HS3ST3A1: variants seen among roughly 807,000 people sequenced by gnomAD.
HS3ST3A1 encodes heparan sulfate glucosamine 3-O-sulfotransferase 3A1.
A neutral mutation model predicts 25.7 loss-of-function variants in HS3ST3A1; 19 were observed. That is an observed-to-expected ratio of 0.74 (90% confidence interval 0.52 to 1.08). The LOEUF is 1.08. Among genes scored for constraint, HS3ST3A1 ranks in the 50% least tolerant of loss-of-function variants. The pLI is 0.00. For missense variants in HS3ST3A1, 459 were observed against 594.3 expected (o/e 0.77, Z 2.37); for synonymous variants, 226 against 278.6 (o/e 0.81, Z 1.88).
intron 1 of HS3ST3A1, among the ~76,000 whole-genome samples, chr17:13,539,088 G>C (rs1172775403): frequency 1.3e-5 from 2 of 152,164 alleles, no homozygotes; most frequent in Non-Finnish European, 2.9e-5. Flanking sequence ...CTCAGCTGTG[G>C]TGGCTGAAGA....
chr17:13,549,823 T>G (rs1414972985), intron 1 of HS3ST3A1, among the ~76,000 whole-genome samples: 2 of 152,204 alleles, frequency 1.3e-5, no homozygotes, highest in African/African-American at 4.8e-5. Context: ...TTATTTTAGT[T>G]CGCCATAAAG....
At chr17:13,544,146 A>C (rs765118393) in intron 1 of HS3ST3A1, among the ~76,000 whole-genome samples, 27 of 152,242 alleles carry the variant, frequency 1.8e-4, no homozygotes, top group Admixed American at 7.8e-4. Flanking sequence ...TTCCATTCAT[A>C]TGATGAAAAT....
chr17:13,567,768 T>C (rs1216994520), intron 1 of HS3ST3A1, among the ~76,000 whole-genome samples: 1 of 152,222 alleles, frequency 6.6e-6, no homozygotes, highest in Non-Finnish European at 1.5e-5. Context: ...AATCTCACAA[T>C]AAACCTTGAA....
At chr17:13,501,834 G>C (rs1905486351) in intron 1 of HS3ST3A1, among the ~76,000 whole-genome samples, 1 of 152,192 alleles carries the variant, frequency 6.6e-6, no homozygotes, top group Non-Finnish European at 1.5e-5. Flanking sequence ...CAGAGAGTTA[G>C]AACTCTTTGC....
chr17:13,500,420 T>G (rs1905432687), intron 1 of HS3ST3A1, among the ~76,000 whole-genome samples: 1 of 152,190 alleles, frequency 6.6e-6, no homozygotes. Flanking sequence ...GGATGGGTAG[T>G]GAAAGATCTA....
intron 1 of HS3ST3A1, among the ~76,000 whole-genome samples, chr17:13,501,403 A>G (rs1347243009): frequency 6.6e-6 from 1 of 152,206 alleles, no homozygotes; most frequent in African/African-American, 2.4e-5. Context: ...AACTTAAGGG[A>G]GGACAAACAT....
chr17:13,600,635 C>T lies in HS3ST3A1; in HGVS notation c.495G>A (p.Thr165=). 6.3e-7 allele frequency: 1 copy of T among 1,595,692 alleles called. No individual in the cohort carries two copies. The highest frequency in any genetic ancestry group is 8.5e-7 in the Non-Finnish European group (1 of 1,176,338). ...AIIIGVKKGG[T]RALLEFLRVH... The stretch of plus-strand genomic sequence containing the variant: ...CGCGCAGGAACTCCAGCAGCGCCCG[C>T]GTGCCGCCCTTCTTCACTCCGATGA... The change falls in exon 1 of 2, where the codon ACG becomes ACA. Residue 165 remains threonine, a synonymous_variant. Transcript: ENST00000284110.
chr17:13,541,067 A>G (rs148139164), intron 1 of HS3ST3A1, among the ~76,000 whole-genome samples: 2,346 of 152,308 alleles, frequency 0.015, 58 homozygotes, highest in African/African-American at 0.054. Flanking sequence ...GAAAGCTATG[A>G]TATAAACTAT....
intron 1 of HS3ST3A1, among the ~76,000 whole-genome samples, chr17:13,539,341 C>T (rs1214714756): frequency 6.6e-6 from 1 of 152,130 alleles, no homozygotes; most frequent in Non-Finnish European, 1.5e-5. Flanking sequence ...AAATGGAATG[C>T]ACAAATATGG....
intron 1 of HS3ST3A1, among the ~76,000 whole-genome samples, chr17:13,598,281 G>A (rs998743679): frequency 3.3e-5 from 5 of 151,852 alleles, no homozygotes; most frequent in African/African-American, 1.2e-4. Context: ...TTTCATAGAC[G>A]AGCCTTCAGT....
In HS3ST3A1 at chr17:13,526,842, C is replaced by T. The variant is rs917451974; in HGVS notation, c.600-30024G>A. 3.3e-5 allele frequency among the ~76,000 whole-genome samples: 5 copies of T among 151,658 alleles called. No homozygotes were observed. In the South Asian group the frequency reaches 6.2e-4, roughly 19 times the overall value. ...TTTTTTTTTGTATTTTTAGTAGAGACGAGTTTCTCCATGTTGGTCAGCCTG... is the reference window on the plus strand; with the variant it reads ...TTTTTTTTTGTATTTTTAGTAGAGATGAGTTTCTCCATGTTGGTCAGCCTG... On this transcript the variant is annotated intron_variant, in intron 1 of 1. Coordinates refer to ENST00000284110, the MANE Select transcript of HS3ST3A1 (RefSeq NM_006042.3).
At chr17:13,508,510 T>C (rs1408323051) in intron 1 of HS3ST3A1, among the ~76,000 whole-genome samples, 1 of 152,216 alleles carries the variant, frequency 6.6e-6, no homozygotes, top group East Asian at 1.9e-4. Context: ...ATTCCACACA[T>C]TTTCTCTTTC....
rs577865011 is a variant in HS3ST3A1 at position 13,581,283 on chromosome 17, A to G, written c.599+19248T>C. Among the ~76,000 whole-genome samples, 4 of 152,230 alleles carry G rather than the reference A, an allele frequency of 2.6e-5. No homozygotes were observed. In the East Asian group the frequency reaches 7.7e-4, roughly 29 times the overall value. ...GGAGTTGAAGACCAGCCTGGCCAAC[A>G]TGGCAAAACTCTGTCTGTACTAAAA... On this transcript the variant is annotated intron_variant, in intron 1 of 1. Transcript: ENST00000284110.
chr17:13,600,094 C>G lies in HS3ST3A1; in HGVS notation c.599+437G>C, dbSNP rs988874801. The stretch of plus-strand genomic sequence containing the variant: ...GCAAAAGGTCAAGGTAAATAAATAC[C>G]TGATGGTAAAGACTGTGTTAACCAC... On this transcript the variant is annotated intron_variant, in intron 1 of 1. Coordinates refer to ENST00000284110, the MANE Select transcript of HS3ST3A1 (RefSeq NM_006042.3). 3.3e-5 allele frequency among the ~76,000 whole-genome samples: 5 copies of G among 152,260 alleles called. No individual in the cohort carries two copies. In the South Asian group the frequency reaches 1.0e-3, roughly 32 times the overall value.
intron 1 of HS3ST3A1, among the ~76,000 whole-genome samples, chr17:13,568,411 T>C (rs931615653): frequency 1.1e-4 from 17 of 152,214 alleles, no homozygotes; most frequent in African/African-American, 4.1e-4. Flanking sequence ...GCAAGATCTC[T>C]GAGGTATGCC....
chr17:13,556,065 C>T (rs1222093023), intron 1 of HS3ST3A1: 1 of 152,148 alleles, frequency 6.6e-6, no homozygotes, highest in Non-Finnish European at 1.5e-5. Flanking sequence ...AGGGTGGCAT[C>T]CACATTCAGC....
At chr17:13,542,290 C>T (rs1308693247) in intron 1 of HS3ST3A1, among the ~76,000 whole-genome samples, 4 of 148,170 alleles carry the variant, frequency 2.7e-5, no homozygotes, top group African/African-American at 1.0e-4. Context: ...GATTGCGCCA[C>T]TGCCCTCCAG....
At chr17:13,599,239 T>C (rs1908656648) in intron 1 of HS3ST3A1, among the ~76,000 whole-genome samples, 1 of 152,252 alleles carries the variant, frequency 6.6e-6, no homozygotes, top group Admixed American at 6.5e-5. Flanking sequence ...TTGTTTGTTT[T>C]TTCTTTCCAA....
At chr17:13,548,309 G>T (rs1907142769) in intron 1 of HS3ST3A1, among the ~76,000 whole-genome samples, 1 of 152,124 alleles carries the variant, frequency 6.6e-6, no homozygotes, top group Non-Finnish European at 1.5e-5. Context: ...TTCTCACATG[G>T]AGGAGTCAGA....
Sources: gnomAD v4.1 joint callset for allele counts (sites outside exome capture counted in the v4.1 genomes callset) on GRCh38, gnomAD v4.1.1 for gene constraint, MANE v1.5 for transcripts, NCBI Gene and HGNC (gene_info 2026-07-23, HGNC 2026-07-21) for gene names.